Variants in CRYM observed in about 807,000 individuals in gnomAD.
CRYM encodes the protein ketimine reductase mu-crystallin.
Under a neutral mutation model 32.9 loss-of-function variants are expected in CRYM, and 18 were observed. The ratio of observed to expected loss-of-function variants is 0.55; its 90% CI spans 0.38 to 0.81. The LOEUF is 0.81. CRYM is among the 30% of genes least tolerant of loss of function. The pLI is 0.00. For synonymous variants in CRYM, 153 were observed against 152.4 expected, an observed-to-expected ratio of 1.00 and a Z score of -0.03; for missense variants, 337 against 393.5, an observed-to-expected ratio of 0.86 and a Z score of 1.21.
At chr16:21,266,331 T>TA (rs1373111704) in intron 5 of CRYM, among the ~76,000 whole-genome samples, 1 of 152,242 alleles carries the variant, frequency 6.6e-6, no homozygotes, top group Non-Finnish European at 1.5e-5. Flanking sequence ...TAATAGTTCC[T>TA]GCCTCATAAG....
At chr16:21,266,448 C>A (rs1310573653) in intron 5 of CRYM, among the ~76,000 whole-genome samples, 1 of 152,076 alleles carries the variant, frequency 6.6e-6, no homozygotes. Flanking sequence ...TAGATGTAGA[C>A]CAGCTCTTGC....
chr16:21,277,397 GC>G lies in CRYM; in HGVS notation c.324+33del. 1 of 1,609,570 alleles carries G rather than the reference GC, an allele frequency of 6.2e-7. No homozygotes were observed. The highest frequency in any genetic ancestry group is 1.1e-5 in the South Asian group (1 of 90,924). ...TTTGAGCTTCAATCTGGGCCCAGGGGCCCCATTCCACCCCGGGACAGGAAGT... is the reference window on the plus strand; with the variant it reads ...TTTGAGCTTCAATCTGGGCCCAGGGGCCCATTCCACCCCGGGACAGGAAGT... On this transcript the variant is annotated intron_variant, in intron 2 of 7. Transcript: ENST00000572914. The surrounding 1 kb of genome is among the most constrained non-coding windows in gnomAD (Gnocchi z 4.2).
upstream of CRYM, chr16:21,279,024 T>A (rs528714065): frequency 6.6e-6 from 1 of 152,262 alleles, no homozygotes; most frequent in African/African-American, 2.4e-5. Flanking sequence ...ATCCTAGTCA[T>A]CAAATCAGTG....
chr16:21,279,115 G>T (rs755312944), upstream of CRYM, among the ~76,000 whole-genome samples: 3 of 152,072 alleles, frequency 2.0e-5, no homozygotes, highest in Non-Finnish European at 4.4e-5. Flanking sequence ...TGAAAGAGTG[G>T]GGAGAAACCA....
intron 1 of CRYM, among the ~76,000 whole-genome samples, chr16:21,285,101 A>G (rs2093405315): frequency 6.6e-6 from 1 of 152,006 alleles, no homozygotes; most frequent in African/African-American, 2.4e-5. Flanking sequence ...CCTTTTGCCC[A>G]TGTTTTATTT....
intron 1 of CRYM, among the ~76,000 whole-genome samples, chr16:21,287,184 A>G (rs928238087): frequency 6.6e-6 from 1 of 152,250 alleles, no homozygotes; most frequent in African/African-American, 2.4e-5. Flanking sequence ...CTTCATCAAA[A>G]TAGAATCACT....
intron 1 of CRYM, among the ~76,000 whole-genome samples, chr16:21,290,908 A>C (rs961411821): frequency 1.3e-5 from 2 of 152,188 alleles, no homozygotes; most frequent in African/African-American, 4.8e-5. Flanking sequence ...AATAATCAGC[A>C]TTGGTTTCTT....
intron 1 of CRYM, among the ~76,000 whole-genome samples, chr16:21,290,221 C>G (rs193282671): frequency 1.3e-5 from 2 of 152,318 alleles, no homozygotes; most frequent in African/African-American, 2.4e-5. Flanking sequence ...CTGCTGCTCA[C>G]TGTTTGGGTC....
At chr16:21,260,591 A>T (rs1437668996) in intron 7 of CRYM, among the ~76,000 whole-genome samples, 4 of 152,018 alleles carry the variant, frequency 2.6e-5, no homozygotes, top group African/African-American at 9.7e-5. Context: ...TGAGCCACCG[A>T]GCTCAGCCTG....
chr16:21,261,943 G>A lies in CRYM; in HGVS notation c.795+94C>T, dbSNP rs530711097. 45 of 1,531,808 alleles carry A rather than the reference G, an allele frequency of 2.9e-5. No homozygotes were observed. The African/African-American group carries it at 5.5e-4, about 19-fold the overall frequency. The allele number at this position is 1,531,808 out of a possible 1,614,324, so 94.9% of individuals were successfully genotyped here. A position where few individuals can be genotyped will look rare whatever the true frequency, so the allele number is the denominator to read the frequency against. The stretch of plus-strand genomic sequence containing the variant: ...AAGGAGGTGGGGTGGCTGAGGTCTG[G>A]AGCAGACCAAACTGGAAGGGAAGTT... On this transcript the variant is annotated intron_variant, in intron 6 of 7. Transcript: ENST00000572914.
At position 21,277,444 on chromosome 16, in the gene CRYM, C is replaced by G. The variant is rs902828066; in HGVS notation, c.311G>C (p.Gly104Ala). The G allele has an allele frequency of 1.2e-6, 2 of 1,613,224 alleles. No individual in the cohort carries two copies. Among genetic ancestry groups the G allele is most frequent in the Non-Finnish European group, 1.7e-6 (2 of 1,179,940 alleles). ...ATVLLFEPSN[G>A]TLLAVMDGNV... ...GAAGTTGCTCACCGCCAGCAGGGTG[C>G]CATTGCTGGGCTCAAAGAGTAGCAC... Residue 104 changes from glycine (G) to alanine (A), a missense_variant, in exon 2 of 8, where the codon GGC becomes GCC. Gly to Ala is a moderately conservative substitution (Grantham distance 60). Coordinates refer to ENST00000572914, the MANE Select transcript of CRYM (RefSeq NM_001376256.1). This position sits in a 1 kb window ranked among gnomAD's most constrained non-coding sequence, Gnocchi z 4.2.
chr16:21,289,307 C>A (rs533013524), intron 1 of CRYM, among the ~76,000 whole-genome samples: 195 of 152,216 alleles, frequency 1.3e-3, no homozygotes, highest in Middle Eastern at 3.4e-3. Flanking sequence ...ATGAATTAAC[C>A]CATTTAATAG....
At chr16:21,301,204 A>C (rs1960916733) in intron 1 of CRYM, 1 of 152,316 alleles carries the variant, frequency 6.6e-6, no homozygotes, top group African/African-American at 2.4e-5. Context: ...TTCTGTCATC[A>C]GCGGCTGGGC....
rs1379399855 is a variant in CRYM, at chr16:21,278,090, C to G, written c.162G>C (p.Lys54Asn). The G allele has an allele frequency of 3.9e-6, 6 of 1,545,826 alleles. No homozygotes were observed. Among genetic ancestry groups the G allele is most frequent in the East Asian group, 2.4e-5 (1 of 40,910 alleles). ...QPVRTVVPVT[K>N]HRGYLGVMPA... ...CGACCCTCCTCACTCACCCCCTGTG[C>G]TTGGTCACCGGCACCACGGTGCGCA... Residue 54 changes from lysine to asparagine, a missense_variant, in exon 1 of 8, where the codon AAG becomes AAC. By Grantham distance (94) the Lys-to-Asn change is moderately conservative. Coordinates refer to ENST00000572914, the MANE Select transcript of CRYM (RefSeq NM_001376256.1).
At chr16:21,263,032 T>C (rs2093357485) in intron 5 of CRYM, among the ~76,000 whole-genome samples, 1 of 152,212 alleles carries the variant, frequency 6.6e-6, no homozygotes, top group South Asian at 2.1e-4. Flanking sequence ...CAACCAGTTC[T>C]TTTAATATCT....
At chr16:21,301,386 GTGGGTGAGCGCAAGGGACGAGATGGGTGT>G (rs1960923916) in intron 1 of CRYM, 2 of 145,666 alleles carry the variant, frequency 1.4e-5, no homozygotes, top group East Asian at 2.3e-4. Context: ...ATGGGACGAG[GTGGGTGAGCGCAAGGGACGAGATGGGTGT>G]GCGCATGGGA....
chr16:21,260,906 G>A (rs1276990037), intron 7 of CRYM, among the ~76,000 whole-genome samples: 1 of 152,094 alleles, frequency 6.6e-6, no homozygotes, highest in African/African-American at 2.4e-5. Context: ...CCTCTGAAGG[G>A]TACCTTCTGA....
intron 1 of CRYM, among the ~76,000 whole-genome samples, chr16:21,301,941 C>T (rs1421034929): frequency 6.6e-6 from 1 of 152,234 alleles, no homozygotes; most frequent in African/African-American, 2.4e-5. Flanking sequence ...TCCCCCTGCG[C>T]TTGCAGCTGC....
chr16:21,297,598 T>C (rs1022786708), intron 1 of CRYM, among the ~76,000 whole-genome samples: 38 of 152,242 alleles, frequency 2.5e-4, no homozygotes, highest in African/African-American at 9.2e-4. Context: ...TGATAAAATA[T>C]AACATAATTG....
Sources: gnomAD v4.1 joint callset for allele counts (sites outside exome capture counted in the v4.1 genomes callset) on GRCh38, gnomAD v4.1.1 for gene constraint, Gnocchi (gnomAD v3.1) non-coding constraint, MANE v1.5 for transcripts, NCBI Gene and HGNC (gene_info 2026-07-23, HGNC 2026-07-21) for gene names.